CNOT2: variants seen among roughly 807,000 people sequenced by gnomAD.
The protein encoded by CNOT2 is CC chemokine receptor 4-negative regulator of transcription 2.
A neutral mutation model predicts 72.1 loss-of-function variants in CNOT2; 7 were observed. The observed-to-expected ratio is 0.10, with a 90% confidence interval of 0.06 to 0.18. The LOEUF (loss-of-function observed/expected upper bound fraction) is 0.18, where lower values mean the gene tolerates loss of function less well. CNOT2 is among the 10% of genes least tolerant of loss of function. The pLI, the probability that CNOT2 is intolerant of heterozygous loss-of-function variation, is 1.00. For missense variants in CNOT2, 345 were observed against 660.3 expected (o/e 0.52, Z 5.23); for synonymous variants, 196 against 225.6 (o/e 0.87, Z 1.17).
At chr12:70,275,661 G>A (rs1168336043) in intron 1 of CNOT2, among the ~76,000 whole-genome samples, 1 of 151,862 alleles carries the variant, frequency 6.6e-6, no homozygotes, top group Non-Finnish European at 1.5e-5. Flanking sequence ...TTGTAGTTTT[G>A]CAAATATTTG....
At position 70,338,725 on chromosome 12, in the gene CNOT2, T is replaced by C. The variant is rs1006297741; in HGVS notation, c.1081T>C (p.Leu361=). Residue 361 remains leucine, a synonymous_variant, in exon 11 of 16, where the codon TTA becomes CTA. Coordinates refer to ENST00000229195, the MANE Select transcript of CNOT2 (RefSeq NM_014515.7). The part of the protein sequence containing the change: ...VTDQFGMIGL[L]TFIRAAETDP... The stretch of plus-strand genomic sequence containing the variant: ...GGACCAATTTGGAATGATTGGCCTG[T>C]TAACATTTATCAGGGCAGCAGAGAC... 5 of 1,612,828 alleles carry C rather than the reference T, an allele frequency of 3.1e-6. No homozygotes were observed. The Admixed American group carries it at 8.3e-5, about 27-fold the overall frequency.
chr12:70,332,649 G>A, intron 6 of CNOT2, 118 bp from the exon 7 acceptor site: 2 of 1,282,080 alleles, frequency 1.6e-6, no homozygotes, highest in Non-Finnish European at 1.0e-6. Flanking sequence ...TAATATTAGT[G>A]TTGGTTTTGA....
At chr12:70,328,719 A>T (rs906759194) in intron 4 of CNOT2, among the ~76,000 whole-genome samples, 4 of 126,476 alleles carry the variant, frequency 3.2e-5, no homozygotes, top group East Asian at 5.7e-4. Context: ...AGCAGTCTTT[A>T]AAAAAAAAAA....
chr12:70,271,131 C>G (rs1959206168), intron 1 of CNOT2, among the ~76,000 whole-genome samples: 1 of 152,138 alleles, frequency 6.6e-6, no homozygotes, highest in South Asian at 2.1e-4. Flanking sequence ...GTCAGAGTGT[C>G]AGCTTGTCCA....
intron 3 of CNOT2, among the ~76,000 whole-genome samples, chr12:70,318,108 C>T (rs887143840): frequency 6.6e-6 from 1 of 151,952 alleles, no homozygotes; most frequent in Non-Finnish European, 1.5e-5. Context: ...CTCACTTCTG[C>T]TGTTGTCGTT....
At chr12:70,244,958 GAT>G (rs1333022416) in intron 1 of CNOT2, among the ~76,000 whole-genome samples, 1 of 152,222 alleles carries the variant, frequency 6.6e-6, no homozygotes, top group Non-Finnish European at 1.5e-5. Context: ...TGAGGGATGA[GAT>G]AGAAATTTTA....
At chr12:70,327,230 A>G (rs1179261870) in intron 4 of CNOT2, among the ~76,000 whole-genome samples, 2 of 151,918 alleles carry the variant, frequency 1.3e-5, no homozygotes, top group Non-Finnish European at 1.5e-5. Context: ...GGAAAAGTAG[A>G]ACAAGAAGAA....
At chr12:70,281,499 G>A (rs778436522) in intron 2 of CNOT2, among the ~76,000 whole-genome samples, 15 of 152,066 alleles carry the variant, frequency 9.9e-5, no homozygotes, top group Non-Finnish European at 1.9e-4. Context: ...GTTACTTTTT[G>A]TAGTAGATTT....
intron 2 of CNOT2, chr12:70,301,737 A>C (rs1036533476): frequency 3.9e-5 from 6 of 152,204 alleles, no homozygotes; most frequent in Non-Finnish European, 4.4e-5. Flanking sequence ...GGCCTCATAA[A>C]ATGAATTAGG....
intron 1 of CNOT2, among the ~76,000 whole-genome samples, chr12:70,272,019 A>T (rs1959296103): frequency 6.6e-6 from 1 of 152,190 alleles, no homozygotes; most frequent in South Asian, 2.1e-4. Context: ...TTTTAAAAGT[A>T]TTTGATTTGG....
At chr12:70,260,198 G>A (rs1958679955) in intron 1 of CNOT2, among the ~76,000 whole-genome samples, 1 of 152,084 alleles carries the variant, frequency 6.6e-6, no homozygotes, top group South Asian at 2.1e-4. Flanking sequence ...AAACCAGGTG[G>A]AATTTTGATA....
intron 4 of CNOT2, chr12:70,322,127 T>G (rs1878396169): frequency 6.6e-6 from 1 of 151,840 alleles, no homozygotes. Context: ...TAACATAAGT[T>G]TTTTGAAACT....
Position 70,346,103 on chromosome 12 carries a change from A to G in CNOT2, c.1392-77A>G, listed in dbSNP as rs1274558779. The G allele has an allele frequency of 4.2e-6, 4 of 957,254 alleles. No homozygotes were observed. The South Asian group carries it at 6.4e-5, about 15-fold the overall frequency. 59.3% of individuals were successfully genotyped at this position (957,254 alleles called of 1,614,324 possible). On this transcript the variant is annotated intron_variant, in intron 14 of 15. Coordinates refer to ENST00000229195, the MANE Select transcript of CNOT2 (RefSeq NM_014515.7). ...TGTGTAATTTTTTTTTTCCGGAGGA[A>G]AGCTTTACAAAATGTAGAACATGTT...
intron 2 of CNOT2, chr12:70,290,817 C>A (rs1871765625): frequency 6.6e-6 from 1 of 152,132 alleles, no homozygotes; most frequent in African/African-American, 2.4e-5. Context: ...TGAGCCACTG[C>A]ACCCTTATTT....
At chr12:70,288,206 C>T (rs752031282) in intron 2 of CNOT2, among the ~76,000 whole-genome samples, 5 of 117,074 alleles carry the variant, frequency 4.3e-5, no homozygotes, top group Non-Finnish European at 6.8e-5. Flanking sequence ...TGCAATGGTA[C>T]GATCTTGGCT....
At chr12:70,278,462 A>G (rs1272690870) in intron 2 of CNOT2, 188 bp downstream of exon 2, 3 of 489,670 alleles carry the variant, frequency 6.1e-6, no homozygotes, top group Admixed American at 7.6e-5. Context: ...AAAATAAAGC[A>G]TATTCATAAT....
At chr12:70,329,597 T>C in intron 5 of CNOT2, 27 bp downstream of exon 5, 1 of 1,552,606 alleles carries the variant, frequency 6.4e-7, no homozygotes, top group Non-Finnish European at 8.9e-7. Context: ...CAGAATATTT[T>C]TCAAAATGTA....
intron 6 of CNOT2, chr12:70,330,835 GCTTTAGTTATACTTTGAGTACCTT>G (rs1879822154): frequency 6.1e-6 from 1 of 164,708 alleles, no homozygotes; most frequent in Non-Finnish European, 1.3e-5. Context: ...TTACTACTTT[GCTTTAGTTATACTTTGAGTACCTT>G]CTCAAGTAAG....
chr12:70,332,959 G>A, intron 7 of CNOT2, 113 bp downstream of exon 7: 1 of 1,334,982 alleles, frequency 7.5e-7, no homozygotes, highest in Non-Finnish European at 9.6e-7. Flanking sequence ...TATGTTAGAT[G>A]GTAGATTTTA....
Sources: allele counts gnomAD v4.1 joint callset (sites outside exome capture counted in the v4.1 genomes callset), GRCh38; gene constraint gnomAD v4.1.1; transcripts MANE v1.5; gene names NCBI Gene and HGNC (gene_info 2026-07-23, HGNC 2026-07-21).